Variants in PRKN observed in about 807,000 individuals in gnomAD.
PRKN encodes the protein parkin RBR E3 ubiquitin protein ligase, also known as E3 ubiquitin-protein ligase parkin.
A neutral mutation model predicts 59.5 loss-of-function variants in PRKN; 56 were observed. The ratio of observed to expected loss-of-function variants is 0.94; its 90% CI spans 0.76 to 1.18. The LOEUF (loss-of-function observed/expected upper bound fraction) is 1.18, where lower values mean the gene tolerates loss of function less well. Ranked by LOEUF, PRKN falls within the 50% of genes most tolerant of loss-of-function variation. The probability of loss-of-function intolerance (pLI) is 0.00; values close to 1 mark genes in which losing one functional copy is unlikely to be tolerated. For synonymous variants in PRKN, 250 were observed against 222.1 expected, an observed-to-expected ratio of 1.13 and a Z score of -1.12; for missense variants, 657 against 596.4, an observed-to-expected ratio of 1.10 and a Z score of -1.06.
At chr6:161,689,532 G>A (rs1785696766) in intron 7 of PRKN, among the ~76,000 whole-genome samples, 1 of 152,080 alleles carries the variant, frequency 6.6e-6, no homozygotes, top group Admixed American at 6.5e-5. Flanking sequence ...AGAAATCGCT[G>A]GGTCATTGGG....
intron 1 of PRKN, among the ~76,000 whole-genome samples, chr6:162,465,230 T>G (rs1319171409): frequency 6.6e-6 from 1 of 152,234 alleles, no homozygotes; most frequent in Admixed American, 6.5e-5. Flanking sequence ...GGAAGGCGGT[T>G]AGCTTATCTC....
intron 6 of PRKN, among the ~76,000 whole-genome samples, chr6:161,802,710 TTA>T (rs1791141422): frequency 6.6e-6 from 1 of 152,192 alleles, no homozygotes; most frequent in African/African-American, 2.4e-5. Flanking sequence ...ATGGCCTGTT[TTA>T]GTCTTTGTCT....
intron 1 of PRKN, among the ~76,000 whole-genome samples, chr6:162,645,485 T>C (rs1778132968): frequency 1.3e-5 from 2 of 152,172 alleles, no homozygotes; most frequent in Non-Finnish European, 2.9e-5. Flanking sequence ...TCTTCTTTCA[T>C]AGAGTTTTCT....
In PRKN at chr6:161,874,970, A is replaced by AT. The variant is rs1562356573; in HGVS notation, c.735-89063_735-89062insA. Among the ~76,000 whole-genome samples the AT allele has an allele frequency of 1.7e-4, 13 of 75,662 alleles. No individual in the cohort carries two copies. The East Asian group carries it at 4.6e-3, about 27-fold the overall frequency. 49.6% of individuals were successfully genotyped at this position (75,662 alleles called of 152,430 possible). Reference sequence around the variant, plus strand: ...TATAGGTACTTTATATATAATATATAATTTATTATATTATATACTTTATAT... The same window carrying AT: ...TATAGGTACTTTATATATAATATATATATTTATTATATTATATACTTTATAT... On this transcript the variant is annotated intron_variant, in intron 6 of 11. Transcript: ENST00000366898.
chr6:162,480,784 G>A (rs544713647), intron 1 of PRKN, among the ~76,000 whole-genome samples: 1 of 152,140 alleles, frequency 6.6e-6, no homozygotes, highest in Non-Finnish European at 1.5e-5. Flanking sequence ...TAGATAGTAT[G>A]GAAGGAGACA....
chr6:161,970,817 C>T (rs1425014504), intron 6 of PRKN, among the ~76,000 whole-genome samples: 2 of 152,146 alleles, frequency 1.3e-5, no homozygotes, highest in Admixed American at 6.5e-5. Context: ...GGATTACAGG[C>T]GTGAGCCACC....
At chr6:162,239,290 T>C (rs1384085145) in intron 3 of PRKN, among the ~76,000 whole-genome samples, 1 of 152,132 alleles carries the variant, frequency 6.6e-6, no homozygotes, top group Non-Finnish European at 1.5e-5. Flanking sequence ...TTATTTTCTA[T>C]TTTATCTATA....
At chr6:162,355,656 T>G (rs1164277508) in intron 2 of PRKN, among the ~76,000 whole-genome samples, 1 of 151,790 alleles carries the variant, frequency 6.6e-6, no homozygotes, top group Non-Finnish European at 1.5e-5. Flanking sequence ...GAAAGTGGGT[T>G]GGAGATGAAA....
At chr6:162,323,509 A>G (rs1389550268) in intron 2 of PRKN, among the ~76,000 whole-genome samples, 1 of 152,034 alleles carries the variant, frequency 6.6e-6, no homozygotes, top group Non-Finnish European at 1.5e-5. Context: ...TTGATATATG[A>G]TATATTCTTG....
At chr6:161,757,730 C>A (rs530945759) in intron 7 of PRKN, among the ~76,000 whole-genome samples, 96 of 151,176 alleles carry the variant, frequency 6.4e-4, no homozygotes, top group Non-Finnish European at 1.1e-3. Context: ...CCCAGCTACT[C>A]GGGGGGCTGA....
In PRKN at chr6:162,032,132, C is replaced by T. The variant is rs545568498; in HGVS notation, c.618+21959G>A. ...CAGCTTTAGCCGACAGCACAAGCAG[C>T]GCAGAGTTTCTTAAGGGTTAATTTA... On this transcript the variant is annotated intron_variant, in intron 5 of 11. Coordinates refer to ENST00000366898, the MANE Select transcript of PRKN (RefSeq NM_004562.3). Among the ~76,000 whole-genome samples the T allele has an allele frequency of 6.6e-5, 10 of 152,168 alleles. No individual in the cohort carries two copies. The South Asian group carries it at 1.0e-3, about 16-fold the overall frequency.
At chr6:162,448,820 T>TCCTC (rs1583589365) in intron 1 of PRKN, among the ~76,000 whole-genome samples, 2 of 150,478 alleles carry the variant, frequency 1.3e-5, no homozygotes, top group East Asian at 2.0e-4. Flanking sequence ...TTCTTTCTCT[T>TCCTC]CCTCCCTCCC....
intron 7 of PRKN, among the ~76,000 whole-genome samples, chr6:161,692,894 G>A (rs1459568883): frequency 2.0e-5 from 3 of 149,964 alleles, no homozygotes; most frequent in Admixed American, 6.6e-5. Context: ...GTTGCAGTGA[G>A]CAGAGATCAT....
intron 6 of PRKN, among the ~76,000 whole-genome samples, chr6:161,870,732 T>G (rs1794307913): frequency 6.6e-6 from 1 of 152,180 alleles, no homozygotes; most frequent in Admixed American, 6.5e-5. Context: ...TAAGGATTAA[T>G]TACTGACCAT....
At chr6:162,725,719 T>C (rs1779134245) in intron 1 of PRKN, among the ~76,000 whole-genome samples, 1 of 149,136 alleles carries the variant, frequency 6.7e-6, no homozygotes, top group African/African-American at 2.5e-5. Context: ...GCTGTGATGG[T>C]GCCACTGCAC....
At chr6:161,859,484 G>A (rs13206632) in intron 6 of PRKN, among the ~76,000 whole-genome samples, 74,906 of 151,196 alleles carry the variant, frequency 0.5, 18,751 homozygotes, top group East Asian at 0.73. Context: ...ATGCCTGTAT[G>A]CCTGTAATCT....
At chr6:162,536,725 A>T (rs760213802) in intron 1 of PRKN, among the ~76,000 whole-genome samples, 1 of 151,968 alleles carries the variant, frequency 6.6e-6, no homozygotes, top group African/African-American at 2.4e-5. Flanking sequence ...GGTCCATGAC[A>T]TTCATATGTG....
chr6:161,517,361 G>A (rs1051336532), intron 9 of PRKN, among the ~76,000 whole-genome samples: 3 of 152,160 alleles, frequency 2.0e-5, no homozygotes, highest in East Asian at 1.9e-4. Flanking sequence ...GCACCAAAAC[G>A]TACATCAAAA....
chr6:161,366,538 C>T (rs1441547409), intron 10 of PRKN, among the ~76,000 whole-genome samples: 1 of 152,168 alleles, frequency 6.6e-6, no homozygotes, highest in Admixed American at 6.5e-5. Context: ...AGAAGGACTC[C>T]GTACTTCTGT....
Sources: gnomAD v4.1 joint callset for allele counts (sites outside exome capture counted in the v4.1 genomes callset) on GRCh38, gnomAD v4.1.1 for gene constraint, MANE v1.5 for transcripts, NCBI Gene and HGNC (gene_info 2026-07-23, HGNC 2026-07-21) for gene names.